FSTL5: variants seen among roughly 807,000 people sequenced by gnomAD.
The protein encoded by FSTL5 is follistatin like 5.
In FSTL5, 62 loss-of-function variants were observed where a neutral mutation model predicts 89.1. That is an observed-to-expected ratio of 0.70 (90% CI 0.57 to 0.86). The LOEUF (loss-of-function observed/expected upper bound fraction) is 0.86, where lower values mean the gene tolerates loss of function less well. Ranked by LOEUF, FSTL5 falls within the 40% of genes least tolerant of loss-of-function variation. FSTL5 has a pLI of 0.00. For missense variants in FSTL5, 1,057 were observed against 1,001.6 expected, an observed-to-expected ratio of 1.06 and a Z score of -0.75; for synonymous variants, 383 against 346.2, an observed-to-expected ratio of 1.11 and a Z score of -1.18.
At chr4:161,449,703 T>C (rs558337858) in intron 15 of FSTL5, among the ~76,000 whole-genome samples, 114 of 152,294 alleles carry the variant, frequency 7.5e-4, no homozygotes, top group African/African-American at 2.7e-3. Context: ...GATTTGCAGG[T>C]GCTACAAAGT....
chr4:161,650,929 T>G (rs1465977348), intron 7 of FSTL5, among the ~76,000 whole-genome samples: 1 of 152,180 alleles, frequency 6.6e-6, no homozygotes, highest in African/African-American at 2.4e-5. Context: ...CAAATTCTGC[T>G]ATGCAACTCC....
chr4:162,142,859 C>G (rs1409479070), intron 1 of FSTL5, among the ~76,000 whole-genome samples: 1 of 152,146 alleles, frequency 6.6e-6, no homozygotes, highest in African/African-American at 2.4e-5. Context: ...CAGCTTTCAT[C>G]TGTGTAATCT....
intron 1 of FSTL5, among the ~76,000 whole-genome samples, chr4:162,154,503 A>C (rs1418955255): frequency 6.6e-6 from 1 of 152,172 alleles, no homozygotes; most frequent in Non-Finnish European, 1.5e-5. Context: ...GTTATCTATA[A>C]AAGAGCATAA....
chr4:161,773,421 G>A (rs1256396047), intron 5 of FSTL5, among the ~76,000 whole-genome samples: 2 of 152,126 alleles, frequency 1.3e-5, no homozygotes, highest in African/African-American at 2.4e-5. Context: ...CACAGAGTGG[G>A]AGAAAATCTT....
At chr4:162,047,965 T>A (rs2111249061) in intron 2 of FSTL5, among the ~76,000 whole-genome samples, 1 of 152,242 alleles carries the variant, frequency 6.6e-6, no homozygotes, top group Non-Finnish European at 1.5e-5. Context: ...GGTTATCATA[T>A]AAATCAGCCT....
intron 15 of FSTL5, among the ~76,000 whole-genome samples, chr4:161,452,393 T>C (rs1733196070): frequency 6.6e-6 from 1 of 152,040 alleles, no homozygotes; most frequent in South Asian, 2.1e-4. Context: ...GGAGAATTGC[T>C]TGAATCCGGG....
intron 12 of FSTL5, among the ~76,000 whole-genome samples, chr4:161,496,425 C>G (rs1291891849): frequency 6.6e-6 from 1 of 152,102 alleles, no homozygotes; most frequent in African/African-American, 2.4e-5. Flanking sequence ...TTTAAGTAAA[C>G]AGATTACCCT....
chr4:162,047,799 C>T (rs142061618), intron 2 of FSTL5, among the ~76,000 whole-genome samples: 1 of 150,820 alleles, frequency 6.6e-6, no homozygotes. Context: ...CACTCCAGCC[C>T]GGGCAACAAG....
intron 4 of FSTL5, among the ~76,000 whole-genome samples, chr4:161,910,893 C>G (rs1017974285): frequency 1.3e-5 from 2 of 152,004 alleles, no homozygotes; most frequent in African/African-American, 4.8e-5. Flanking sequence ...ATGTATTATT[C>G]TGAACTCAAA....
chr4:161,706,094 G>C (rs1049877386), intron 6 of FSTL5, among the ~76,000 whole-genome samples: 2 of 148,686 alleles, frequency 1.3e-5, no homozygotes, highest in South Asian at 2.1e-4. Context: ...CCAGTAAGTT[G>C]AGTTTAATTT....
At chr4:161,591,808 C>T (rs987874361) in intron 7 of FSTL5, among the ~76,000 whole-genome samples, 2 of 152,132 alleles carry the variant, frequency 1.3e-5, no homozygotes, top group Non-Finnish European at 2.9e-5. Flanking sequence ...CATCTATATA[C>T]TAAACCTAAA....
intron 3 of FSTL5, among the ~76,000 whole-genome samples, chr4:162,012,595 T>C (rs1396996927): frequency 6.6e-6 from 1 of 152,178 alleles, no homozygotes; most frequent in Non-Finnish European, 1.5e-5. Context: ...ATATGAATTT[T>C]AATTCTACCC....
intron 8 of FSTL5, among the ~76,000 whole-genome samples, chr4:161,564,362 T>C (rs1385053430): frequency 1.3e-5 from 2 of 150,550 alleles, no homozygotes; most frequent in Non-Finnish European, 3.0e-5. Context: ...TGTATTCCTA[T>C]ATATATATAT....
intron 15 of FSTL5, among the ~76,000 whole-genome samples, chr4:161,394,365 T>C (rs1395872317): frequency 6.6e-6 from 1 of 152,188 alleles, no homozygotes; most frequent in African/African-American, 2.4e-5. Flanking sequence ...AACCTCCACC[T>C]TCTGGGTTCA....
chr4:161,684,640 A>C (rs1331289539), intron 6 of FSTL5, among the ~76,000 whole-genome samples: 2 of 151,870 alleles, frequency 1.3e-5, no homozygotes, highest in Non-Finnish European at 2.9e-5. Flanking sequence ...GATTTGTTTG[A>C]GTTCCTTGTA....
intron 7 of FSTL5, 144 bp from the exon 8 acceptor site, chr4:161,587,719 A>C (rs777738602): frequency 9.1e-5 from 50 of 552,440 alleles, no homozygotes; most frequent in Admixed American, 7.9e-4. Context: ...TGGGTGTATA[A>C]GCGTAAAGGA....
intron 2 of FSTL5, among the ~76,000 whole-genome samples, chr4:162,091,278 T>G (rs1579019877): frequency 6.6e-6 from 1 of 152,182 alleles, no homozygotes; most frequent in Non-Finnish European, 1.5e-5. Context: ...CCTGACTAAT[T>G]ACTGTATACT....
chr4:161,412,519 C>G (rs956002843), intron 15 of FSTL5, among the ~76,000 whole-genome samples: 1 of 151,546 alleles, frequency 6.6e-6, no homozygotes, highest in African/African-American at 2.4e-5. Context: ...GGGATAGGGG[C>G]GGGATAGCAT....
intron 5 of FSTL5, 147 bp from the exon 6 acceptor site, chr4:161,759,678 G>A: frequency 2.4e-6 from 1 of 423,630 alleles, no homozygotes; most frequent in South Asian, 8.4e-5. Flanking sequence ...CAGGTTTTTA[G>A]TTACTGAACA....
Sources: gnomAD v4.1 joint callset for allele counts (sites outside exome capture counted in the v4.1 genomes callset) on GRCh38, gnomAD v4.1.1 for gene constraint, MANE v1.5 for transcripts, NCBI Gene and HGNC (gene_info 2026-07-23, HGNC 2026-07-21) for gene names.